PLCG1: variants seen among roughly 807,000 people sequenced by gnomAD.
PLCG1 encodes phospholipase C gamma 1, also known as 1-phosphatidylinositol 4,5-bisphosphate phosphodiesterase gamma-1.
A neutral mutation model predicts 177.8 loss-of-function variants in PLCG1; 71 were observed. The ratio of observed to expected loss-of-function variants is 0.40; its 90% CI spans 0.33 to 0.49. PLCG1 has a LOEUF of 0.49. Among genes scored for constraint, PLCG1 ranks in the 20% least tolerant of loss-of-function variants. PLCG1 has a pLI of 0.72. For missense variants in PLCG1, 1,281 were observed against 1,709.0 expected (o/e 0.75, Z 4.42); for synonymous variants, 658 against 647.9 (o/e 1.02, Z -0.24).
Position 41,162,288 on chromosome 20 carries a change from A to G in PLCG1, c.513-164A>G, listed in dbSNP as rs527348526. Reference sequence around the variant, plus strand: ...TGAGGAACTGAGGTCCAAAGAAAGGAAGGGACTAACCTCACCCCATGGGTT... The same window carrying G: ...TGAGGAACTGAGGTCCAAAGAAAGGGAGGGACTAACCTCACCCCATGGGTT... On this transcript the variant is annotated intron_variant, in intron 4 of 31. Transcript: ENST00000685551. 9 of 291,182 alleles carry G rather than the reference A, an allele frequency of 3.1e-5. No individual in the cohort carries two copies. In the East Asian group the frequency reaches 5.7e-4, roughly 18 times the overall value. The allele number at this position is 291,182 out of a possible 1,614,324, so 18.0% of individuals were successfully genotyped here. A position where few individuals can be genotyped will look rare whatever the true frequency, so the allele number is the denominator to read the frequency against.
Position 41,137,848 on chromosome 20 carries a change from C to T in PLCG1, c.207C>T (p.Ile69=). Residue 69 remains isoleucine, a synonymous_variant, in exon 1 of 32, where the codon ATC becomes ATT. Transcript: ENST00000685551. This position sits in a 1 kb window ranked among gnomAD's most constrained non-coding sequence, Gnocchi z 7.3. ...QITWSRGADK[I]EGAIDIREIK... The stretch of plus-strand genomic sequence containing the variant: ...CGTGGAGCCGGGGCGCCGACAAGAT[C>T]GAGGGGGCCAGTAAGTGCGCCCACT... The T allele has an allele frequency of 7.8e-7, 1 of 1,287,288 alleles. No homozygotes were observed. Among genetic ancestry groups the T allele is most frequent in the Non-Finnish European group, 9.9e-7 (1 of 1,009,976 alleles). 79.7% of individuals were successfully genotyped at this position (1,287,288 alleles called of 1,614,324 possible).
rs1252971776 is a variant in PLCG1, at chr20:41,161,228, GC to G, written c.512+1078del. ...ACCCCCAGAGTGTTGAGTTCTGGCA[GC>G]CCAAGGAAGAAGACAGTGGTGAAAT... On this transcript the variant is annotated intron_variant, in intron 4 of 31. Coordinates refer to ENST00000685551, the MANE Select transcript of PLCG1 (RefSeq NM_002660.3). Among the ~76,000 whole-genome samples, 3 of 152,260 alleles carry G rather than the reference GC, an allele frequency of 2.0e-5. No individual in the cohort carries two copies. In the East Asian group the frequency reaches 5.8e-4, roughly 29 times the overall value.
Position 41,164,292 on chromosome 20 carries a change from C to T in PLCG1, c.1217+91C>T. On this transcript the variant is annotated intron_variant, in intron 12 of 31. Coordinates refer to ENST00000685551, the MANE Select transcript of PLCG1 (RefSeq NM_002660.3). The surrounding 1 kb of genome is among the most constrained non-coding windows in gnomAD (Gnocchi z 6.4). Reference sequence around the variant, plus strand: ...AGGGCAGAAAGACTCCTCAAATGCCCTGTCCCCTCTCCCTCAGCCTTTCAT... The same window carrying T: ...AGGGCAGAAAGACTCCTCAAATGCCTTGTCCCCTCTCCCTCAGCCTTTCAT... 1 of 1,288,362 alleles carries T rather than the reference C, an allele frequency of 7.8e-7. No homozygotes were observed. Among genetic ancestry groups the T allele is most frequent in the Non-Finnish European group, 1.1e-6 (1 of 899,504 alleles). The allele number at this position is 1,288,362 out of a possible 1,614,324, so 79.8% of individuals were successfully genotyped here.
Position 41,147,108 on chromosome 20 carries a change from G to A in PLCG1, c.217+9250G>A, listed in dbSNP as rs910274902. Among the ~76,000 whole-genome samples, 1 of 152,166 alleles carries A rather than the reference G, an allele frequency of 6.6e-6. No homozygotes were observed. The highest frequency in any genetic ancestry group is 2.4e-5 in the African/African-American group (1 of 41,430). On this transcript the variant is annotated intron_variant, in intron 1 of 31. Transcript: ENST00000685551. The surrounding 1 kb of genome is among the most constrained non-coding windows in gnomAD (Gnocchi z 4.0). ...CCTGATAGTCCACCACCTGTTTGGA[G>A]GCAGCTCCCCTCTTCCTGCCCTAGT... is the stretch of plus-strand genomic sequence containing the variant.
At chr20:41,168,369 A>G (rs1330584504) in intron 20 of PLCG1, among the ~76,000 whole-genome samples, 3 of 152,218 alleles carry the variant, frequency 2.0e-5, no homozygotes, top group Non-Finnish European at 4.4e-5. Flanking sequence ...TCCACTTCAC[A>G]GATGAGTGGT....
At chr20:41,168,559 C>T (rs895297787) in intron 20 of PLCG1, among the ~76,000 whole-genome samples, 12 of 152,218 alleles carry the variant, frequency 7.9e-5, no homozygotes, top group African/African-American at 2.7e-4. Context: ...TGGCAGAGGC[C>T]CTGCCTCTCT....
At position 41,157,992 on chromosome 20, in the gene PLCG1, A is replaced by G. The variant is rs957426752; in HGVS notation, c.218-1614A>G. Among the ~76,000 whole-genome samples, 15 of 152,178 alleles carry G rather than the reference A, an allele frequency of 9.9e-5. No individual in the cohort carries two copies. Among genetic ancestry groups the G allele is most frequent in the African/African-American group, 3.6e-4 (15 of 41,448 alleles). ...ACTGGGGAAGGATGGCTGATGGGTG[A>G]GAACCAGGGGTCAGGGAAAACAGCA... On this transcript the variant is annotated intron_variant, in intron 1 of 31. Transcript: ENST00000685551. This position sits in a 1 kb window ranked among gnomAD's most constrained non-coding sequence, Gnocchi z 5.4.
intron 1 of PLCG1, among the ~76,000 whole-genome samples, chr20:41,138,577 G>A (rs2034697680): frequency 6.6e-6 from 1 of 151,558 alleles, no homozygotes; most frequent in Non-Finnish European, 1.5e-5. Flanking sequence ...GACTCCCCTT[G>A]CCCTGGGAAG....
chr20:41,138,161 C>T (rs1160809280), intron 1 of PLCG1, among the ~76,000 whole-genome samples: 3 of 152,300 alleles, frequency 2.0e-5, no homozygotes, highest in East Asian at 1.9e-4. Context: ...CATCGGGCCC[C>T]CCAGACCCTG....
At position 41,176,057 on chromosome 20, in the gene PLCG1, G is replaced by C. The variant is rs575088786; in HGVS notation, c.*1548G>C. 1 of 152,118 alleles carries C rather than the reference G, an allele frequency of 6.6e-6. No homozygotes were observed. Among genetic ancestry groups the C allele is most frequent in the Non-Finnish European group, 1.5e-5 (1 of 68,020 alleles). The allele number at this position is 152,118 out of a possible 1,614,324, so 9.4% of individuals were successfully genotyped here. On this transcript the variant is annotated 3_prime_UTR_variant, in exon 32 of 32. Coordinates refer to ENST00000685551, the MANE Select transcript of PLCG1 (RefSeq NM_002660.3). ...CTTTCAAAAATGTTGCATTCAGTTC[G>C]TTAACACTGCCAGGTGCCATTCTGA...
In PLCG1 at chr20:41,146,986, TC is replaced by T. The variant is rs34363000; in HGVS notation, c.217+9130del. 6.6e-6 allele frequency among the ~76,000 whole-genome samples: 1 copy of T among 152,088 alleles called. No homozygotes were observed. The highest frequency in any genetic ancestry group is 1.5e-5 in the Non-Finnish European group (1 of 68,024). On this transcript the variant is annotated intron_variant, in intron 1 of 31. Coordinates refer to ENST00000685551, the MANE Select transcript of PLCG1 (RefSeq NM_002660.3). This position sits in a 1 kb window ranked among gnomAD's most constrained non-coding sequence, Gnocchi z 6.3. ...CAGGAGGTGAGCTAAGGAATACAAC[TC>T]CATTCCCTCAGTTGGGAGGTTGGGC... is the stretch of plus-strand genomic sequence containing the variant.
At position 41,137,826 on chromosome 20, in the gene PLCG1, G is replaced by C; in HGVS notation, c.185G>C (p.Trp62Ser). 7.7e-7 allele frequency: 1 copy of C among 1,297,562 alleles called. No individual in the cohort carries two copies. The highest frequency in any genetic ancestry group is 9.8e-7 in the Non-Finnish European group (1 of 1,015,322). 80.4% of individuals were successfully genotyped at this position (1,297,562 alleles called of 1,614,324 possible). Reference sequence around the variant, plus strand: ...AAGCTGGAGACGCGCCAGATCACGTGGAGCCGGGGCGCCGACAAGATCGAG... The same window carrying C: ...AAGCTGGAGACGCGCCAGATCACGTCGAGCCGGGGCGCCGACAAGATCGAG... ...QVKLETRQIT[W>S]SRGADKIEGA... Residue 62 changes from tryptophan to serine, a missense_variant, in exon 1 of 32, where the codon TGG (tryptophan) becomes TCG (serine). Coordinates refer to ENST00000685551, the MANE Select transcript of PLCG1 (RefSeq NM_002660.3). This position sits in a 1 kb window ranked among gnomAD's most constrained non-coding sequence, Gnocchi z 7.3.
At position 41,169,644 on chromosome 20, in the gene PLCG1, C is replaced by T. The variant is rs532521151; in HGVS notation, c.2650+118C>T. The T allele has an allele frequency of 1.5e-4, 118 of 776,852 alleles. 1 individual carries two copies. In the Admixed American group the frequency reaches 2.1e-3, roughly 14 times the overall value. 48.1% of individuals were successfully genotyped at this position (776,852 alleles called of 1,614,324 possible). On this transcript the variant is annotated intron_variant, in intron 23 of 31. Transcript: ENST00000685551. ...TGAACCCCAAAGTCTGCCCTCACTC[C>T]AAGCTCTCCCCATGCTCTGGACATC...
chr20:41,174,899 A>AGGAGCC lies in PLCG1; in HGVS notation c.*391_*396dup, dbSNP rs2036016625. ...ACATTCCTAAGAGTGGAGGAGGAGG[A>AGGAGCC]GGAGCCTTGCTGGGCCAGGGAAACA... On this transcript the variant is annotated 3_prime_UTR_variant, in exon 32 of 32. Transcript: ENST00000685551. The surrounding 1 kb of genome is among the most constrained non-coding windows in gnomAD (Gnocchi z 5.8). 2 of 211,384 alleles carry AGGAGCC rather than the reference A, an allele frequency of 9.5e-6. No homozygotes were observed. Among genetic ancestry groups the AGGAGCC allele is most frequent in the South Asian group, 1.7e-4 (2 of 11,688 alleles). 13.1% of individuals were successfully genotyped at this position (211,384 alleles called of 1,614,324 possible).
chr20:41,169,685 G>C (rs1050611394), intron 23 of PLCG1, 159 bp downstream of exon 23: 15 of 641,628 alleles, frequency 2.3e-5, no homozygotes, highest in Non-Finnish European at 3.9e-5. Flanking sequence ...GACACCCTGG[G>C]CTCCCTTTGT....
At position 41,167,611 on chromosome 20, in the gene PLCG1, G is replaced by A. The variant is rs1409072871; in HGVS notation, c.2302-241G>A. 1 of 543,614 alleles carries A rather than the reference G, an allele frequency of 1.8e-6. No homozygotes were observed. The highest frequency in any genetic ancestry group is 3.3e-6 in the Non-Finnish European group (1 of 303,746). The allele number at this position is 543,614 out of a possible 1,614,324, so 33.7% of individuals were successfully genotyped here. On this transcript the variant is annotated intron_variant, in intron 19 of 31. Coordinates refer to ENST00000685551, the MANE Select transcript of PLCG1 (RefSeq NM_002660.3). The surrounding 1 kb of genome is among the most constrained non-coding windows in gnomAD (Gnocchi z 4.4). ...AATACTTGGGAGTTTGGGCATTTAG[G>A]ACCTGAGAGATTTTAGAATCCTGGG...
In PLCG1 at chr20:41,173,672, G is replaced by T; in HGVS notation, c.3415G>T (p.Val1139Leu). 6.2e-7 allele frequency: 1 copy of T among 1,614,174 alleles called. No homozygotes were observed. The highest frequency in any genetic ancestry group is 8.5e-7 in the Non-Finnish European group (1 of 1,180,016). ...CACAGTGGACAATGGACTCAACCCT[G>T]TATGGCCAGCCAAGCCCTTCCACTT... is the stretch of plus-strand genomic sequence containing the variant. ...EFVVDNGLNPVWPAKPFHFQI... is the reference protein window; with the variant it reads ...EFVVDNGLNPLWPAKPFHFQI... The change falls in exon 29 of 32, where the codon GTA becomes TTA. Residue 1139 changes from valine to leucine, a missense_variant. Val to Leu is a conservative substitution (Grantham distance 32). Coordinates refer to ENST00000685551, the MANE Select transcript of PLCG1 (RefSeq NM_002660.3). The surrounding 1 kb of genome is among the most constrained non-coding windows in gnomAD (Gnocchi z 6.2).
At position 41,157,202 on chromosome 20, in the gene PLCG1, C is replaced by CTGTGTGTGTG. The variant is rs1491358367; in HGVS notation, c.218-2403_218-2402insGTGTGTGTGT. 1.7e-5 allele frequency among the ~76,000 whole-genome samples: 1 copy of CTGTGTGTGTG among 59,318 alleles called. No homozygotes were observed. The highest frequency in any genetic ancestry group is 9.2e-5 in the African/African-American group (1 of 10,836). The allele number at this position is 59,318 out of a possible 152,430, so 38.9% of individuals were successfully genotyped here. ...ATGTGCAGGAGTGCAGGCCTGTTGA[C>CTGTGTGTGTG]TCTGTGTGTGTGTGTGTGTGTGTGT... On this transcript the variant is annotated intron_variant, in intron 1 of 31. Coordinates refer to ENST00000685551, the MANE Select transcript of PLCG1 (RefSeq NM_002660.3). This position sits in a 1 kb window ranked among gnomAD's most constrained non-coding sequence, Gnocchi z 5.4.
In PLCG1 at chr20:41,166,083, C is replaced by T. The variant is rs766715545; in HGVS notation, c.1800-111C>T. 23 of 924,434 alleles carry T rather than the reference C, an allele frequency of 2.5e-5. No homozygotes were observed. Among genetic ancestry groups the T allele is most frequent in the Non-Finnish European group, 3.4e-5 (21 of 624,288 alleles). The allele number at this position is 924,434 out of a possible 1,614,324, so 57.3% of individuals were successfully genotyped here. ...ACACCTGAGCTCCTCAGGAGATTGGCCTCCCTCCTTGAGGCTCCCTCCTTG... is the reference window on the plus strand; with the variant it reads ...ACACCTGAGCTCCTCAGGAGATTGGTCTCCCTCCTTGAGGCTCCCTCCTTG... On this transcript the variant is annotated intron_variant, in intron 16 of 31. Coordinates refer to ENST00000685551, the MANE Select transcript of PLCG1 (RefSeq NM_002660.3). This position sits in a 1 kb window ranked among gnomAD's most constrained non-coding sequence, Gnocchi z 8.6.
Sources: gnomAD v4.1 joint callset for allele counts (sites outside exome capture counted in the v4.1 genomes callset) on GRCh38, gnomAD v4.1.1 for gene constraint, Gnocchi (gnomAD v3.1) non-coding constraint, MANE v1.5 for transcripts, NCBI Gene and HGNC (gene_info 2026-07-23, HGNC 2026-07-21) for gene names.